The following SLC12A9 variants were observed in gnomAD, a reference collection of about 807,000 sequenced individuals.
SLC12A9 encodes the protein solute carrier family 12 member 9.
SLC12A9 carries 55 observed loss-of-function variants against 66.0 expected under a neutral mutation model. The observed-to-expected ratio is 0.83, with a 90% CI of 0.67 to 1.04. SLC12A9 has a LOEUF of 1.04. Among genes scored for constraint, SLC12A9 ranks in the 50% least tolerant of loss-of-function variants. SLC12A9 has a pLI of 0.00. For synonymous variants in SLC12A9, 577 were observed against 569.0 expected (o/e 1.01, Z -0.20); for missense variants, 1,061 against 1,241.9 (o/e 0.85, Z 2.19).
chr7:100,848,625 G>A (rs192643368), upstream of SLC12A9, among the ~76,000 whole-genome samples: 1,327 of 152,220 alleles, frequency 8.7e-3, 14 homozygotes, highest in African/African-American at 0.03. Flanking sequence ...AGTGGTTCAC[G>A]CCTGTAATTC....
chr7:100,831,849 T>C (rs1042206076), intron 1 of SLC12A9, among the ~76,000 whole-genome samples: 3 of 152,164 alleles, frequency 2.0e-5, no homozygotes, highest in Admixed American at 6.6e-5. Context: ...CCAAAGTTCA[T>C]GAAGTTTAAG....
At chr7:100,845,873 T>C (rs955293201) in intron 1 of SLC12A9, among the ~76,000 whole-genome samples, 5 of 152,204 alleles carry the variant, frequency 3.3e-5, no homozygotes, top group African/African-American at 1.2e-4. Context: ...AACTGAATCA[T>C]ATGGTTACAA....
chr7:100,840,567 C>T (rs796307602), intron 1 of SLC12A9, among the ~76,000 whole-genome samples: 10 of 151,626 alleles, frequency 6.6e-5, no homozygotes, highest in African/African-American at 2.4e-4. Flanking sequence ...AAAGAAAGAC[C>T]AGCAGAAAGA....
At chr7:100,829,519 G>T (rs139045840) in intron 1 of SLC12A9, among the ~76,000 whole-genome samples, 1,985 of 152,174 alleles carry the variant, frequency 0.013, 19 homozygotes, top group Middle Eastern at 0.044. Flanking sequence ...GGGTTGGGGG[G>T]GGTGGGCCGG....
intron 5 of SLC12A9, 96 bp downstream of exon 5, chr7:100,857,272 A>C (rs1814456970): frequency 7.6e-7 from 1 of 1,313,710 alleles, no homozygotes. Flanking sequence ...CAGGTGTCAG[A>C]GGGAATGGAG....
At chr7:100,828,770 G>A (rs1179760987) in intron 1 of SLC12A9, among the ~76,000 whole-genome samples, 1 of 151,962 alleles carries the variant, frequency 6.6e-6, no homozygotes, top group Non-Finnish European at 1.5e-5. Flanking sequence ...TGGCTGGGAG[G>A]GGCCCTTCCT....
Position 100,866,767 on chromosome 7 carries a change from A to AAG in SLC12A9, c.*162_*163insAG. ...GATCCTGGGCTTGGGCATCACGCCC[A>AAG]CCTCCTTTGGCAGAGGGACCCCAGC... is the stretch of plus-strand genomic sequence containing the variant. On this transcript the variant is annotated 3_prime_UTR_variant, in exon 14 of 14. Coordinates refer to ENST00000354161, the MANE Select transcript of SLC12A9 (RefSeq NM_020246.4). The surrounding 1 kb of genome is among the most constrained non-coding windows in gnomAD (Gnocchi z 7.3). The AAG allele has an allele frequency of 1.4e-6, 1 of 725,732 alleles. No individual in the cohort carries two copies. Among genetic ancestry groups the AAG allele is most frequent in the Non-Finnish European group, 2.1e-6 (1 of 478,606 alleles). The allele number at this position is 725,732 out of a possible 1,614,324, so 45.0% of individuals were successfully genotyped here.
At chr7:100,856,548 T>A in intron 4 of SLC12A9, 2 of 241,278 alleles carry the variant, frequency 8.3e-6, no homozygotes, top group East Asian at 8.2e-5. Context: ...AAGGTCTCAC[T>A]CTGTCACCAA....
chr7:100,854,556 A>G (rs1177305578), intron 2 of SLC12A9, 64 bp from the exon 3 acceptor site: 1 of 1,608,128 alleles, frequency 6.2e-7, no homozygotes, highest in East Asian at 2.2e-5. Flanking sequence ...AGCTCTGCAG[A>G]ACCAGGGGGT....
chr7:100,843,693 C>T (rs1017912349), intron 1 of SLC12A9, among the ~76,000 whole-genome samples: 9 of 152,140 alleles, frequency 5.9e-5, no homozygotes, highest in African/African-American at 1.9e-4. Flanking sequence ...AATATAAAGT[C>T]CCCCCATGCT....
At chr7:100,827,085 C>CAAA in intron 1 of SLC12A9, 1 of 1,540,626 alleles carries the variant, frequency 6.5e-7, no homozygotes, top group Non-Finnish European at 8.8e-7. Flanking sequence ...CCTCGCCCCC[C>CAAA]CAGGTCTGAC....
chr7:100,843,669 T>A (rs757423862), intron 1 of SLC12A9, among the ~76,000 whole-genome samples: 1 of 152,196 alleles, frequency 6.6e-6, no homozygotes, highest in Non-Finnish European at 1.5e-5. Context: ...AAACTAACCC[T>A]TAGGCAAAAC....
chr7:100,856,928 A>G lies in SLC12A9; in HGVS notation c.509A>G (p.Tyr170Cys). Residue 170 changes from tyrosine (Y) to cysteine (C), a missense_variant, in exon 5 of 14, where the codon TAT becomes TGT. Transcript: ENST00000354161. ...CAGGGCTACGGCTGGAACCTGCTGT[A>G]TGGCTCCCTGCTGCTGGGCCTTGTG... ...LPQGYGWNLLYGSLLLGLVGG... is the reference protein window; with the variant it reads ...LPQGYGWNLLCGSLLLGLVGG... The G allele has an allele frequency of 1.2e-6, 2 of 1,612,398 alleles. No homozygotes were observed. Among genetic ancestry groups the G allele is most frequent in the East Asian group, 2.2e-5 (1 of 44,878 alleles).
At chr7:100,850,239 TTCCTTCCTTTTC>T (rs1814031321), upstream of SLC12A9, among the ~76,000 whole-genome samples, 2 of 131,698 alleles carry the variant, frequency 1.5e-5, no homozygotes, top group African/African-American at 5.7e-5. Context: ...CCTTCATTCC[TTCCTTCCTTTTC>T]TTTCTTTCTT....
In SLC12A9 at chr7:100,854,422, A is replaced by T. The variant is rs769258565; in HGVS notation, c.181+44A>T. ...GGGTGTGGACTGACTATAGTATGGGAGGACATGATGGGGAGGGGTGGAGAT... is the reference window on the plus strand; with the variant it reads ...GGGTGTGGACTGACTATAGTATGGGTGGACATGATGGGGAGGGGTGGAGAT... On this transcript the variant is annotated intron_variant, in intron 2 of 13. Transcript: ENST00000354161. 3 of 1,599,204 alleles carry T rather than the reference A, an allele frequency of 1.9e-6. No individual in the cohort carries two copies. The South Asian group carries it at 3.3e-5, about 18-fold the overall frequency.
At chr7:100,844,745 C>A (rs757282538) in intron 1 of SLC12A9, among the ~76,000 whole-genome samples, 38 of 152,196 alleles carry the variant, frequency 2.5e-4, no homozygotes, top group Admixed American at 7.9e-4. Context: ...AAAAGAGGAG[C>A]GTGTGACCTT....
exon 1 of SLC12A9, chr7:100,826,967 A>T: frequency 7.2e-7 from 1 of 1,391,208 alleles, no homozygotes; most frequent in Non-Finnish European, 9.8e-7. Flanking sequence ...CCCCCCCCGC[A>T]AGGAAACTCA....
chr7:100,866,138 G>A lies in SLC12A9; in HGVS notation c.2278G>A (p.Ala760Thr), dbSNP rs763249589. 70 of 1,612,782 alleles carry A rather than the reference G, an allele frequency of 4.3e-5. No individual in the cohort carries two copies. The Admixed American group carries it at 9.7e-4, about 22-fold the overall frequency. ...QMATILGMVP[A>T]WHSARLRIFL... ...GGCAACCATCTTGGGCATGGTGCCC[G>A]CTTGGCATAGCGCCCGGCTCCGGAT... The change falls in exon 14 of 14, where the codon GCT becomes ACT. Residue 760 changes from alanine to threonine, a missense_variant. By Grantham distance (58) the Ala-to-Thr change is moderately conservative. Transcript: ENST00000354161. The surrounding 1 kb of genome is among the most constrained non-coding windows in gnomAD (Gnocchi z 7.3).
intron 2 of SLC12A9, 50 bp downstream of exon 2, chr7:100,854,428 T>G (rs764675162): frequency 6.3e-7 from 1 of 1,597,102 alleles, no homozygotes; most frequent in African/African-American, 1.4e-5. Context: ...TGGGAGGACA[T>G]GATGGGGAGG....
Sources: allele counts gnomAD v4.1 joint callset (sites outside exome capture counted in the v4.1 genomes callset), GRCh38; gene constraint gnomAD v4.1.1; non-coding constraint Gnocchi (gnomAD v3.1); transcripts MANE v1.5; gene names NCBI Gene and HGNC (gene_info 2026-07-23, HGNC 2026-07-21).